The following DNMBP variants were observed in gnomAD, a reference collection of about 807,000 sequenced individuals.
DNMBP encodes the protein dynamin binding protein.
A neutral mutation model predicts 150.0 loss-of-function variants in DNMBP; 87 were observed. The ratio of observed to expected loss-of-function variants is 0.58; its 90% confidence interval spans 0.49 to 0.69. The LOEUF (loss-of-function observed/expected upper bound fraction) is 0.69, where lower values mean the gene tolerates loss of function less well. Ranked by LOEUF, DNMBP falls within the 30% of genes least tolerant of loss-of-function variation. The pLI is 0.00. For synonymous variants in DNMBP, 711 were observed against 750.4 expected, an observed-to-expected ratio of 0.95 and a Z score of 0.86; for missense variants, 1,774 against 1,949.0, an observed-to-expected ratio of 0.91 and a Z score of 1.69.
At chr10:99,892,776 AT>A (rs143988055) in intron 11 of DNMBP, among the ~76,000 whole-genome samples, 1,755 of 152,304 alleles carry the variant, frequency 0.012, 32 homozygotes, top group African/African-American at 0.04. Context: ...TTAAAAAAAA[AT>A]ACTAAAACAC....
At position 99,884,197 on chromosome 10, in the gene DNMBP, G is replaced by T; in HGVS notation, c.3811C>A (p.Leu1271Ile). 1 of 1,612,896 alleles carries T rather than the reference G, an allele frequency of 6.2e-7. No individual in the cohort carries two copies. The highest frequency in any genetic ancestry group is 8.5e-7 in the Non-Finnish European group (1 of 1,179,664). ...KPLLGLPSYMLQSEELRASLL... is the reference protein window; with the variant it reads ...KPLLGLPSYMIQSEELRASLL... Reference sequence around the variant, plus strand: ...GAGGCCCGGAGTTCTTCTGACTGTAGCATGTAACTTGGCTGAAAGGTAAGA... The same window carrying T: ...GAGGCCCGGAGTTCTTCTGACTGTATCATGTAACTTGGCTGAAAGGTAAGA... Residue 1271 changes from leucine to isoleucine, a missense_variant, in exon 15 of 17, where the codon CTA (leucine) becomes ATA (isoleucine). Physicochemically the swap from Leu to Ile is conservative, Grantham distance 5. This residue lies in a region of DNMBP where 1,430 missense variants were observed against 1,492.5 expected (regional missense o/e 0.96). Transcript: ENST00000324109.
intron 4 of DNMBP, among the ~76,000 whole-genome samples, chr10:99,938,040 G>A (rs1437200037): frequency 6.6e-6 from 1 of 152,140 alleles, no homozygotes; most frequent in Non-Finnish European, 1.5e-5. Context: ...GGACATTAAT[G>A]ATTTCTCTGC....
chr10:99,895,950 G>A (rs960683508), intron 10 of DNMBP, among the ~76,000 whole-genome samples: 1 of 152,060 alleles, frequency 6.6e-6, no homozygotes, highest in African/African-American at 2.4e-5. Context: ...TTCCTTCTTT[G>A]TAACATCATG....
In DNMBP at chr10:99,885,617, TG is replaced by T. The variant is rs1448609138; in HGVS notation, c.3798+69del. The T allele has an allele frequency of 8.0e-6, 11 of 1,373,286 alleles. No individual in the cohort carries two copies. The South Asian group carries it at 1.0e-4, about 12-fold the overall frequency. 85.1% of individuals were successfully genotyped at this position (1,373,286 alleles called of 1,614,324 possible). On this transcript the variant is annotated intron_variant, in intron 14 of 16. Coordinates refer to ENST00000324109, the MANE Select transcript of DNMBP (RefSeq NM_015221.4). ...AAACTCCAATAGTGGGATCTGGGCC[TG>T]GGGGCCTGGCTGCAGGGTTCCCCCT... is the stretch of plus-strand genomic sequence containing the variant.
Position 99,908,941 on chromosome 10 carries a change from C to A in DNMBP, c.2454+12G>T. ...ATTCAAGGTCAAACTAACTCTGTCT[C>A]CCAGTTCCCACCTGTGCCTGCTGCA... On this transcript the variant is annotated intron_variant, in intron 5 of 16. Transcript: ENST00000324109. 1 of 1,609,056 alleles carries A rather than the reference C, an allele frequency of 6.2e-7. No homozygotes were observed. Among genetic ancestry groups the A allele is most frequent in the South Asian group, 1.1e-5 (1 of 90,294 alleles).
intron 15 of DNMBP, among the ~76,000 whole-genome samples, chr10:99,882,580 T>A (rs1214351820): frequency 2.0e-5 from 3 of 152,096 alleles, no homozygotes; most frequent in Admixed American, 2.0e-4. Context: ...CTAGACCCTA[T>A]CTCAAAATTA....
rs2255901 is a variant in DNMBP at position 99,880,039 on chromosome 10, G to A, written c.4320C>T (p.Ser1440=). The change falls in exon 16 of 17, where the codon TCC becomes TCT. Residue 1440 remains serine (S), a synonymous_variant. Coordinates refer to ENST00000324109, the MANE Select transcript of DNMBP (RefSeq NM_015221.4). ...SPSRCPSDPD[S]TSQPRSGDSA... ...AGTCCCCTGACCTTGGCTGGGAGGT[G>A]GAGTCTGGGTCTGAAGGGCATCTGG... 0.51 allele frequency: 821,332 copies of A among 1,613,852 alleles called. 211,787 individuals carry two copies. Among genetic ancestry groups the A allele is most frequent in the African/African-American group, 0.54 (40,691 of 74,930 alleles).
At chr10:100,006,513 A>T (rs1352380117) in intron 1 of DNMBP, among the ~76,000 whole-genome samples, 1 of 152,118 alleles carries the variant, frequency 6.6e-6, no homozygotes, top group Non-Finnish European at 1.5e-5. Context: ...CTTCCTGTCT[A>T]TTCTCAACCC....
At chr10:100,004,522 G>A (rs926473748) in intron 1 of DNMBP, among the ~76,000 whole-genome samples, 6 of 152,078 alleles carry the variant, frequency 3.9e-5, no homozygotes, top group Non-Finnish European at 7.4e-5. Context: ...AACCACAAAT[G>A]AGAAAGAGAT....
chr10:99,990,780 TATACACAC>T (rs1383949190), intron 1 of DNMBP, among the ~76,000 whole-genome samples: 2 of 68,818 alleles, frequency 2.9e-5, no homozygotes, highest in East Asian at 6.2e-4. Flanking sequence ...TATACACATA[TATACACAC>T]ATATATACAC....
At chr10:99,989,395 G>A (rs1381837930) in intron 1 of DNMBP, among the ~76,000 whole-genome samples, 2 of 152,152 alleles carry the variant, frequency 1.3e-5, no homozygotes. Context: ...TTTAGCCTGG[G>A]CCCCAGAATG....
At chr10:99,975,357 C>T (rs1207579331) in intron 1 of DNMBP, among the ~76,000 whole-genome samples, 4 of 114,878 alleles carry the variant, frequency 3.5e-5, no homozygotes, top group South Asian at 5.2e-4. Context: ...AAAACTATGT[C>T]TCAAAAAAAA....
chr10:99,969,596 G>A (rs994980162), intron 2 of DNMBP, among the ~76,000 whole-genome samples: 23 of 152,190 alleles, frequency 1.5e-4, no homozygotes, highest in East Asian at 1.9e-4. Context: ...GTATCATAAC[G>A]TAAGTACACA....
chr10:99,880,402 G>C, intron 15 of DNMBP, 41 bp from the exon 16 acceptor site: 1 of 1,504,006 alleles, frequency 6.6e-7, no homozygotes, highest in Non-Finnish European at 8.8e-7. Context: ...ACTCTTAGCA[G>C]AAGGCTGGAC....
rs1290337858 is a variant in DNMBP, at chr10:99,955,747, T to C, written c.1727A>G (p.His576Arg). The change falls in exon 4 of 17, where the codon CAC becomes CGC. Residue 576 changes from histidine to arginine, a missense_variant. His to Arg is a conservative substitution (Grantham distance 29, BLOSUM62 0). This residue lies in a region of DNMBP where 1,430 missense variants were observed against 1,492.5 expected (regional missense o/e 0.96). Transcript: ENST00000324109. ...PGTEPDKILRHFSIMDFNSEK... is the reference protein window; with the variant it reads ...PGTEPDKILRRFSIMDFNSEK... ...AGAGTTAAAGTCCATGATTGAAAAG[T>C]GGCGTAAAATTTTATCTGGCTCTGT... 1 of 1,614,130 alleles carries C rather than the reference T, an allele frequency of 6.2e-7. No homozygotes were observed. Among genetic ancestry groups the C allele is most frequent in the African/African-American group, 1.3e-5 (1 of 74,946 alleles).
chr10:99,891,388 C>A (rs916924361), intron 11 of DNMBP, among the ~76,000 whole-genome samples: 1 of 151,484 alleles, frequency 6.6e-6, no homozygotes, highest in South Asian at 2.1e-4. Context: ...TTGGCCAGGC[C>A]GGTCTCCAGC....
Position 99,954,038 on chromosome 10 carries a change from C to T in DNMBP, c.2260+1176G>A, listed in dbSNP as rs550609640. 9.3e-4 allele frequency among the ~76,000 whole-genome samples: 135 copies of T among 144,830 alleles called. 1 individual carries two copies. The highest frequency in any genetic ancestry group is 3.2e-3 in the African/African-American group (128 of 39,570). ...ATATGTGTCTCCGAGGTATGAGATT[C>T]TTTTTTTTTTTGGAGACAGGGTCTC... On this transcript the variant is annotated intron_variant, in intron 4 of 16. Transcript: ENST00000324109.
intron 6 of DNMBP, among the ~76,000 whole-genome samples, chr10:99,905,510 C>T (rs1200956012): frequency 6.6e-6 from 1 of 152,010 alleles, no homozygotes; most frequent in Non-Finnish European, 1.5e-5. Context: ...GAGGACTGAG[C>T]TCAGGAATTC....
chr10:99,967,668 G>GGTGGGTGTGT (rs2040633120), intron 3 of DNMBP, among the ~76,000 whole-genome samples: 2 of 145,642 alleles, frequency 1.4e-5, no homozygotes, highest in East Asian at 4.0e-4. Context: ...GGTTTTTCTG[G>GGTGGGTGTGT]GTGTGTGTGT....
Sources: gnomAD v4.1 joint callset for allele counts (sites outside exome capture counted in the v4.1 genomes callset) on GRCh38, gnomAD v4.1.1 for gene constraint, gnomAD v4.1.1 regional missense constraint, MANE v1.5 for transcripts, NCBI Gene and HGNC (gene_info 2026-07-23, HGNC 2026-07-21) for gene names.